COL26A1: variants seen among roughly 807,000 people sequenced by gnomAD.
COL26A1 encodes the protein collagen alpha-1(XXVI) chain.
COL26A1 carries 41 observed loss-of-function variants against 59.3 expected under a neutral mutation model. The ratio of observed to expected loss-of-function variants is 0.69; its 90% CI spans 0.54 to 0.90. The LOEUF (loss-of-function observed/expected upper bound fraction) is 0.90. Among genes scored for constraint, COL26A1 ranks in the 40% least tolerant of loss-of-function variants. The pLI is 0.00. For synonymous variants in COL26A1, 266 were observed against 256.0 expected (o/e 1.04, Z -0.37); for missense variants, 612 against 602.3 (o/e 1.02, Z -0.17).
chr7:101,510,901 T>TC (rs1554425440), intron 3 of COL26A1, among the ~76,000 whole-genome samples: 9,683 of 111,894 alleles, frequency 0.087, 684 homozygotes, highest in African/African-American at 0.35. Flanking sequence ...TTTCTTTCTT[T>TC]TTTTTTTTTT....
intron 4 of COL26A1, among the ~76,000 whole-genome samples, chr7:101,539,565 T>C (rs947981970): frequency 8.5e-5 from 13 of 152,082 alleles, no homozygotes; most frequent in Admixed American, 1.3e-4. Flanking sequence ...TGGCCTCAAG[T>C]GATCCTCCAG....
intron 5 of COL26A1, among the ~76,000 whole-genome samples, chr7:101,541,330 T>C (rs1795613583): frequency 6.6e-6 from 1 of 152,106 alleles, no homozygotes; most frequent in Non-Finnish European, 1.5e-5. Flanking sequence ...TGCCACACTT[T>C]TACAATTTTA....
At chr7:101,372,992 C>A (rs562134052) in intron 1 of COL26A1, among the ~76,000 whole-genome samples, 2 of 152,264 alleles carry the variant, frequency 1.3e-5, no homozygotes, top group East Asian at 3.9e-4. Context: ...AAGAGCAGAC[C>A]ATGGGCTTGG....
Position 101,363,158 on chromosome 7 carries a change from C to T in COL26A1, c.126C>T (p.Ala42=), listed in dbSNP as rs779669289. The T allele has an allele frequency of 7.3e-6, 11 of 1,497,608 alleles. No homozygotes were observed. The highest frequency in any genetic ancestry group is 9.7e-6 in the Non-Finnish European group (11 of 1,129,530). The allele number at this position is 1,497,608 out of a possible 1,614,324, so 92.8% of individuals were successfully genotyped here. ...LQQHGYPEPG[A]GSPGSGYASR... ...AGCACGGCTACCCCGAGCCCGGCGC[C>T]GGCTCCCCTGGCAGCGGCTACGCGA... The change falls in exon 1 of 13, where the codon GCC becomes GCT. Residue 42 remains alanine, a synonymous_variant. Coordinates refer to ENST00000313669, the MANE Select transcript of COL26A1 (RefSeq NM_001278563.3).
At chr7:101,492,400 T>C (rs1391757896) in intron 3 of COL26A1, among the ~76,000 whole-genome samples, 2 of 151,984 alleles carry the variant, frequency 1.3e-5, no homozygotes, top group Non-Finnish European at 2.9e-5. Context: ...TATTATTTTT[T>C]AAAATAGAGT....
chr7:101,528,734 A>T (rs1274687630), intron 3 of COL26A1, among the ~76,000 whole-genome samples: 1 of 152,152 alleles, frequency 6.6e-6, no homozygotes, highest in Non-Finnish European at 1.5e-5. Flanking sequence ...CTTTTTGTAC[A>T]GACAGGGTCT....
At chr7:101,490,211 C>G (rs563345184) in intron 3 of COL26A1, among the ~76,000 whole-genome samples, 1 of 151,830 alleles carries the variant, frequency 6.6e-6, no homozygotes, top group African/African-American at 2.4e-5. Flanking sequence ...GCTGGAATTA[C>G]AGGTGTGAGC....
chr7:101,363,222 TGGGGGGA>T, intron 1 of COL26A1, 32 bp downstream of exon 1: 5 of 356,766 alleles, frequency 1.4e-5, no homozygotes, highest in Non-Finnish European at 2.1e-5. Flanking sequence ...GGCCGGGGGG[TGGGGGGA>T]GGGAGCGGAC....
At chr7:101,484,458 C>T (rs1794225385) in intron 3 of COL26A1, among the ~76,000 whole-genome samples, 1 of 152,078 alleles carries the variant, frequency 6.6e-6, no homozygotes, top group African/African-American at 2.4e-5. Flanking sequence ...GCAACCTCTG[C>T]CTCCCAGGTT....
chr7:101,493,256 C>G (rs2130536942), intron 3 of COL26A1, among the ~76,000 whole-genome samples: 1 of 151,208 alleles, frequency 6.6e-6, no homozygotes, highest in South Asian at 2.1e-4. Flanking sequence ...CCCCACCCCG[C>G]CCACTCTATC....
chr7:101,387,762 A>ATTTTTTT (rs1562958252), intron 1 of COL26A1, among the ~76,000 whole-genome samples: 1 of 30,984 alleles, frequency 3.2e-5, no homozygotes, highest in Non-Finnish European at 7.6e-5. Context: ...ATTTATATAT[A>ATTTTTTT]TATATATATA....
intron 1 of COL26A1, among the ~76,000 whole-genome samples, chr7:101,380,285 C>T (rs371565606): frequency 2.4e-3 from 359 of 149,152 alleles, no homozygotes; most frequent in African/African-American, 7.8e-3. Flanking sequence ...CTACTGCACC[C>T]AGCTACATTT....
intron 3 of COL26A1, among the ~76,000 whole-genome samples, chr7:101,482,235 T>C (rs923848083): frequency 6.6e-6 from 1 of 152,214 alleles, no homozygotes; most frequent in African/African-American, 2.4e-5. Context: ...CTCTAACTAC[T>C]GACCTCAAGG....
At chr7:101,395,335 AG>A (rs1018421403) in intron 1 of COL26A1, among the ~76,000 whole-genome samples, 1 of 152,240 alleles carries the variant, frequency 6.6e-6, no homozygotes, top group African/African-American at 2.4e-5. Flanking sequence ...GAAAACTGCA[AG>A]TCCTGAGTCT....
intron 8 of COL26A1, among the ~76,000 whole-genome samples, chr7:101,548,181 G>A (rs889879529): frequency 6.6e-6 from 1 of 152,164 alleles, no homozygotes; most frequent in Non-Finnish European, 1.5e-5. Context: ...CCTGACATTT[G>A]TCCCCTGGAG....
At chr7:101,418,154 C>A (rs545784602) in intron 1 of COL26A1, among the ~76,000 whole-genome samples, 9 of 152,186 alleles carry the variant, frequency 5.9e-5, no homozygotes, top group Non-Finnish European at 1.3e-4. Context: ...TGTGAGCCAC[C>A]GCACTCAGCC....
chr7:101,431,214 C>T (rs1031709153), intron 2 of COL26A1, among the ~76,000 whole-genome samples: 4 of 152,144 alleles, frequency 2.6e-5, no homozygotes, highest in African/African-American at 9.7e-5. Context: ...AAACATTCTG[C>T]TACTAAAGAT....
At chr7:101,532,130 A>G (rs1052866081) in intron 3 of COL26A1, among the ~76,000 whole-genome samples, 5 of 152,108 alleles carry the variant, frequency 3.3e-5, no homozygotes, top group African/African-American at 1.2e-4. Flanking sequence ...AAAGAGCTCC[A>G]GGTCTCGGGC....
At chr7:101,367,671 GA>G (rs60293558) in intron 1 of COL26A1, among the ~76,000 whole-genome samples, 113 of 111,704 alleles carry the variant, frequency 1.0e-3, no homozygotes, top group East Asian at 5.3e-3. Flanking sequence ...TCTCAAAAAA[GA>G]AAAAAAAAAA....
Sources: allele counts gnomAD v4.1 joint callset (sites outside exome capture counted in the v4.1 genomes callset), GRCh38; gene constraint gnomAD v4.1.1; transcripts MANE v1.5; gene names NCBI Gene and HGNC (gene_info 2026-07-23, HGNC 2026-07-21).